Variants in GNAO1 observed in about 807,000 individuals in gnomAD.
GNAO1 encodes guanine nucleotide-binding protein G(o) subunit alpha.
For synonymous variants in GNAO1, 164 were observed against 180.7 expected (o/e 0.91, Z 0.74); for missense variants, 166 against 478.7 (o/e 0.35, Z 6.10).
Position 56,191,853 on chromosome 16 carries a change from C to G in GNAO1, c.-383C>G, listed in dbSNP as rs2036176335. The G allele has an allele frequency of 4.9e-6, 1 of 202,590 alleles. No individual in the cohort carries two copies. Among genetic ancestry groups the G allele is most frequent in the South Asian group, 9.5e-5 (1 of 10,574 alleles). The allele number at this position is 202,590 out of a possible 1,614,324, so 12.5% of individuals were successfully genotyped here. A position where few individuals can be genotyped will look rare whatever the true frequency, so the allele number is the denominator to read the frequency against. Reference sequence around the variant, plus strand: ...CCCACCCTGCCCCCCACCCCACCCTCTGTCGGCTCCGGCTGCGGCTCCAGC... The same window carrying G: ...CCCACCCTGCCCCCCACCCCACCCTGTGTCGGCTCCGGCTGCGGCTCCAGC... On this transcript the variant is annotated 5_prime_UTR_variant, in exon 1 of 9. Coordinates refer to ENST00000262493, the MANE Select transcript of GNAO1 (RefSeq NM_020988.3). This position sits in a 1 kb window ranked among gnomAD's most constrained non-coding sequence, Gnocchi z 4.7.
intron 2 of GNAO1, among the ~76,000 whole-genome samples, chr16:56,272,168 G>T (rs1447439974): frequency 2.6e-5 from 4 of 152,100 alleles, no homozygotes; most frequent in African/African-American, 7.2e-5. Context: ...AATTAGCCAG[G>T]CATGGTGGCG....
intron 2 of GNAO1, among the ~76,000 whole-genome samples, chr16:56,258,934 G>C (rs1338536961): frequency 6.6e-6 from 1 of 152,234 alleles, no homozygotes; most frequent in African/African-American, 2.4e-5. Flanking sequence ...TTTTGACACA[G>C]ATGTCCCAGT....
chr16:56,330,507 A>T (rs1368734797), intron 4 of GNAO1, among the ~76,000 whole-genome samples: 1 of 152,064 alleles, frequency 6.6e-6, no homozygotes, highest in Admixed American at 6.5e-5. Context: ...ATGCAGAGGG[A>T]TGTAAAATGA....
chr16:56,238,724 G>T (rs924367354), intron 2 of GNAO1, among the ~76,000 whole-genome samples: 2 of 152,208 alleles, frequency 1.3e-5, no homozygotes, highest in African/African-American at 4.8e-5. Context: ...ATTTTTTAAA[G>T]TAATAATTTT....
intron 2 of GNAO1, among the ~76,000 whole-genome samples, chr16:56,247,147 C>G (rs1397019813): frequency 6.6e-6 from 1 of 152,194 alleles, no homozygotes; most frequent in Admixed American, 6.5e-5. Context: ...ACCAGCTACC[C>G]AGGTCAGCAT....
Position 56,354,727 on chromosome 16 carries a change from G to T in GNAO1, c.878-139G>T. 1 of 582,240 alleles carries T rather than the reference G, an allele frequency of 1.7e-6. No individual in the cohort carries two copies. Among genetic ancestry groups the T allele is most frequent in the Non-Finnish European group, 3.1e-6 (1 of 326,314 alleles). 36.1% of individuals were successfully genotyped at this position (582,240 alleles called of 1,614,324 possible). On this transcript the variant is annotated intron_variant, in intron 7 of 8. Transcript: ENST00000262493. The surrounding 1 kb of genome is among the most constrained non-coding windows in gnomAD (Gnocchi z 4.3). ...TGCAACTATGGCTTGGAACTGCCCA[G>T]CAGTTCCTACTGCTCCCTTCCTGTC...
At chr16:56,283,736 C>T (rs1474046102) in intron 3 of GNAO1, among the ~76,000 whole-genome samples, 1 of 152,088 alleles carries the variant, frequency 6.6e-6, no homozygotes, top group African/African-American at 2.4e-5. Context: ...CTTCATACTC[C>T]CATAGCCCAA....
At chr16:56,243,601 G>A (rs978278186) in intron 2 of GNAO1, among the ~76,000 whole-genome samples, 2 of 152,134 alleles carry the variant, frequency 1.3e-5, no homozygotes, top group Non-Finnish European at 2.9e-5. Flanking sequence ...GAAATGGATG[G>A]AGAAAAAAAG....
At position 56,311,465 on chromosome 16, in the gene GNAO1, G is replaced by A. The variant is rs17281761; in HGVS notation, c.304-17166G>A. ...GACCCCATACCCAGAGTCACCCAGT[G>A]TCTGTCAGGGAAGATGAGGATGGCA... On this transcript the variant is annotated intron_variant, in intron 3 of 8. Transcript: ENST00000262493. This position sits in a 1 kb window ranked among gnomAD's most constrained non-coding sequence, Gnocchi z 5.2. 0.36 allele frequency among the ~76,000 whole-genome samples: 54,764 copies of A among 152,072 alleles called. 11,398 individuals carry two copies. The highest frequency in any genetic ancestry group is 0.48 in the Non-Finnish European group (32,430 of 67,950).
intron 3 of GNAO1, among the ~76,000 whole-genome samples, chr16:56,297,563 GTGTGTGTGTA>G (rs1292913299): frequency 6.7e-6 from 1 of 150,038 alleles, no homozygotes; most frequent in African/African-American, 2.4e-5. Flanking sequence ...GTGTGTGTGT[GTGTGTGTGTA>G]TGCATGTGTT....
rs557010888 is a variant in GNAO1 at position 56,351,673 on chromosome 16, A to C, written c.877+136A>C. ...CCATTGCAGGAGACTGGTGGGGCGC[A>C]AAAGAAAAACAGTGCTGTGCCACCA... On this transcript the variant is annotated intron_variant, in intron 7 of 8. Coordinates refer to ENST00000262493, the MANE Select transcript of GNAO1 (RefSeq NM_020988.3). The surrounding 1 kb of genome is among the most constrained non-coding windows in gnomAD (Gnocchi z 6.1). 1 of 675,392 alleles carries C rather than the reference A, an allele frequency of 1.5e-6. No homozygotes were observed. The highest frequency in any genetic ancestry group is 2.7e-5 in the East Asian group (1 of 37,524). 41.8% of individuals were successfully genotyped at this position (675,392 alleles called of 1,614,324 possible). A position where few individuals can be genotyped will look rare whatever the true frequency, so the allele number is the denominator to read the frequency against.
chr16:56,205,592 C>G (rs1567437432), intron 2 of GNAO1, among the ~76,000 whole-genome samples: 1 of 152,212 alleles, frequency 6.6e-6, no homozygotes, highest in African/African-American at 2.4e-5. Flanking sequence ...CCTGTTTCTT[C>G]TTTGAATCCT....
chr16:56,347,538 G>A (rs1482499505), intron 6 of GNAO1: 1 of 985,478 alleles, frequency 1.0e-6, no homozygotes. Flanking sequence ...CCAGATGAAG[G>A]CCCCTGTCAA....
intron 7 of GNAO1, chr16:56,352,546 C>T (rs572384532): frequency 6.6e-6 from 1 of 152,432 alleles, no homozygotes; most frequent in African/African-American, 2.4e-5. Context: ...GGCCAGGAAC[C>T]CATGTTCTGA....
intron 2 of GNAO1, among the ~76,000 whole-genome samples, chr16:56,241,907 C>G (rs2036697340): frequency 6.6e-6 from 1 of 152,222 alleles, no homozygotes; most frequent in Non-Finnish European, 1.5e-5. Context: ...AGAAACTGGC[C>G]TGAGCTGCAA....
Position 56,311,911 on chromosome 16 carries a change from G to T in GNAO1, c.304-16720G>T, listed in dbSNP as rs72814453. Reference sequence around the variant, plus strand: ...TACACCTGTCACCATCCCACCTGCCGCATGTAAACACTACCAGCATCAACA... The same window carrying T: ...TACACCTGTCACCATCCCACCTGCCTCATGTAAACACTACCAGCATCAACA... On this transcript the variant is annotated intron_variant, in intron 3 of 8. Coordinates refer to ENST00000262493, the MANE Select transcript of GNAO1 (RefSeq NM_020988.3). The surrounding 1 kb of genome is among the most constrained non-coding windows in gnomAD (Gnocchi z 5.2). Among the ~76,000 whole-genome samples the T allele has an allele frequency of 0.022, 3,322 of 152,266 alleles. 62 individuals are homozygous for T. The highest frequency in any genetic ancestry group is 0.058 in the Middle Eastern group (17 of 294).
rs150431592 is a variant in GNAO1, at chr16:56,274,582, A to G, written c.162-1349A>G. Among the ~76,000 whole-genome samples, 17 of 152,368 alleles carry G rather than the reference A, an allele frequency of 1.1e-4. No individual in the cohort carries two copies. The East Asian group carries it at 3.3e-3, about 29-fold the overall frequency. On this transcript the variant is annotated intron_variant, in intron 2 of 8. Coordinates refer to ENST00000262493, the MANE Select transcript of GNAO1 (RefSeq NM_020988.3). Reference sequence around the variant, plus strand: ...CCATACAGTGGAATACTATTCAGTAATAAAAAGGAATGAGCTACTGATACA... The same window carrying G: ...CCATACAGTGGAATACTATTCAGTAGTAAAAAGGAATGAGCTACTGATACA...
At chr16:56,208,452 C>T (rs867853565) in intron 2 of GNAO1, among the ~76,000 whole-genome samples, 24 of 144,194 alleles carry the variant, frequency 1.7e-4, no homozygotes, top group African/African-American at 4.3e-4. Context: ...TGTGTGTGCG[C>T]GCGCGCGCAC....
chr16:56,260,709 T>G (rs557212835), intron 2 of GNAO1, among the ~76,000 whole-genome samples: 30 of 4,900 alleles, frequency 6.1e-3, no homozygotes, highest in South Asian at 0.057. Context: ...ACTCTTTTTT[T>G]GGGGGCATGA....
Sources: gnomAD v4.1 joint callset for allele counts (sites outside exome capture counted in the v4.1 genomes callset) on GRCh38, gnomAD v4.1.1 for gene constraint, Gnocchi (gnomAD v3.1) non-coding constraint, MANE v1.5 for transcripts, NCBI Gene and HGNC (gene_info 2026-07-23, HGNC 2026-07-21) for gene names.